NSD2: variants seen among roughly 807,000 people sequenced by gnomAD.
NSD2 encodes histone-lysine N-methyltransferase NSD2.
Under a neutral mutation model 139.0 loss-of-function variants are expected in NSD2, and 12 were observed. That is an observed-to-expected ratio of 0.09 (90% CI 0.06 to 0.14). NSD2 has a LOEUF of 0.14. Among genes scored for constraint, NSD2 ranks in the 10% least tolerant of loss-of-function variants. The pLI is 1.00. For missense variants in NSD2, 1,155 were observed against 1,745.0 expected, an observed-to-expected ratio of 0.66 and a Z score of 6.02; for synonymous variants, 669 against 648.7, an observed-to-expected ratio of 1.03 and a Z score of -0.48.
At chr4:1,962,773 C>G (rs1725499139) in intron 18 of NSD2, among the ~76,000 whole-genome samples, 1 of 152,178 alleles carries the variant, frequency 6.6e-6, no homozygotes, top group African/African-American at 2.4e-5. Context: ...TGGGCCTAAG[C>G]AATCCTCTCA....
At chr4:1,932,240 C>T (rs1217423369) in intron 6 of NSD2, among the ~76,000 whole-genome samples, 3 of 151,880 alleles carry the variant, frequency 2.0e-5, no homozygotes, top group Non-Finnish European at 4.4e-5. Context: ...AATTCAAGAC[C>T]AGCCTGGCCA....
intron 9 of NSD2, chr4:1,940,690 TGAG>T (rs1457698146): frequency 1.9e-6 from 2 of 1,061,294 alleles, no homozygotes; most frequent in African/African-American, 1.6e-5. Flanking sequence ...AACAGGGTAG[TGAG>T]GCAAGGGTTG....
intron 1 of NSD2, among the ~76,000 whole-genome samples, chr4:1,877,814 C>G (rs555848297): frequency 4.3e-4 from 65 of 152,254 alleles, no homozygotes; most frequent in African/African-American, 1.5e-3. Flanking sequence ...CCTCACCCTC[C>G]TTCAGGTCTT....
chr4:1,969,544 A>G (rs889741640), intron 18 of NSD2, among the ~76,000 whole-genome samples: 5 of 135,552 alleles, frequency 3.7e-5, no homozygotes, highest in South Asian at 2.1e-4. Context: ...TCTCTACTAA[A>G]AAAAAAAAAA....
chr4:1,913,688 T>C (rs2108789305), intron 3 of NSD2, among the ~76,000 whole-genome samples: 1 of 152,278 alleles, frequency 6.6e-6, no homozygotes, highest in Admixed American at 6.5e-5. Context: ...TCATTGGAGA[T>C]GACTCACACT....
At position 1,960,354 on chromosome 4, in the gene NSD2, C is replaced by T. The variant is rs536209813; in HGVS notation, c.3255+614C>T. Among the ~76,000 whole-genome samples the T allele has an allele frequency of 5.6e-4, 85 of 152,288 alleles. 2 individuals are homozygous for T. The South Asian group carries it at 0.016, about 29-fold the overall frequency. Reference sequence around the variant, plus strand: ...TAGCCAGGTGCTTGGGAGCACTCACCAGCAGGCGTAAGGAGATTGCTCTTG... The same window carrying T: ...TAGCCAGGTGCTTGGGAGCACTCACTAGCAGGCGTAAGGAGATTGCTCTTG... On this transcript the variant is annotated intron_variant, in intron 17 of 21. Transcript: ENST00000508803.
At chr4:1,877,708 C>A (rs745552415) in intron 1 of NSD2, among the ~76,000 whole-genome samples, 1 of 152,186 alleles carries the variant, frequency 6.6e-6, no homozygotes, top group Non-Finnish European at 1.5e-5. Context: ...GGGCCTCTTG[C>A]CTGCTCTGAA....
At chr4:1,898,872 C>T (rs867040214) in intron 1 of NSD2, among the ~76,000 whole-genome samples, 1 of 152,036 alleles carries the variant, frequency 6.6e-6, no homozygotes, top group African/African-American at 2.4e-5. Context: ...TTCAAACTCT[C>T]CTCAGTCACA....
intron 19 of NSD2, 95 bp from the exon 20 acceptor site, chr4:1,975,199 A>ATT: frequency 7.0e-7 from 1 of 1,427,336 alleles, no homozygotes; most frequent in South Asian, 1.2e-5. Context: ...ATACAAAAAT[A>ATT]ATAAGAGTAT....
intron 18 of NSD2, among the ~76,000 whole-genome samples, chr4:1,965,037 T>C (rs1464484751): frequency 8.1e-6 from 1 of 123,360 alleles, no homozygotes; most frequent in African/African-American, 3.0e-5. Context: ...AGACTTAACA[T>C]GTCCAGTGTT....
intron 3 of NSD2, among the ~76,000 whole-genome samples, chr4:1,904,749 G>A (rs1416905523): frequency 6.6e-6 from 1 of 152,188 alleles, no homozygotes; most frequent in Non-Finnish European, 1.5e-5. Context: ...CCTATGGGAA[G>A]AATGGAAAAC....
At chr4:1,945,094 G>C in intron 9 of NSD2, 1 of 1,066,606 alleles carries the variant, frequency 9.4e-7, no homozygotes, top group Non-Finnish European at 1.1e-6. Context: ...AGTGGGTGGA[G>C]TGGTGCTTAG....
Position 1,974,213 on chromosome 4 carries a change from G to GT in NSD2, c.3373-649dup. 6.6e-6 allele frequency among the ~76,000 whole-genome samples: 1 copy of GT among 151,250 alleles called. No homozygotes were observed. Among genetic ancestry groups the GT allele is most frequent in the East Asian group, 1.9e-4 (1 of 5,164 alleles). The stretch of plus-strand genomic sequence containing the variant: ...CCTTTGCTGGTTTTCGGTTGGGTGA[G>GT]TCTTTTTTTTTTTTGAGACGGAGTT... On this transcript the variant is annotated intron_variant, in intron 18 of 21. Coordinates refer to ENST00000508803, the MANE Select transcript of NSD2 (RefSeq NM_001042424.3). The surrounding 1 kb of genome is among the most constrained non-coding windows in gnomAD (Gnocchi z 4.0).
intron 3 of NSD2, among the ~76,000 whole-genome samples, chr4:1,909,210 C>T (rs912717370): frequency 6.6e-5 from 10 of 152,060 alleles, no homozygotes; most frequent in South Asian, 2.1e-4. Flanking sequence ...CACCTCTTTA[C>T]GTTCTGGTAC....
At chr4:1,978,561 A>G in intron 21 of NSD2, 77 bp from the exon 22 acceptor site, 1 of 1,534,086 alleles carries the variant, frequency 6.5e-7, no homozygotes, top group Non-Finnish European at 8.8e-7. Flanking sequence ...GACAGTTGTA[A>G]GTCATCTTCA....
intron 3 of NSD2, among the ~76,000 whole-genome samples, chr4:1,907,170 T>C (rs1718033948): frequency 6.6e-6 from 1 of 152,170 alleles, no homozygotes; most frequent in Non-Finnish European, 1.5e-5. Context: ...AGGAAGATGA[T>C]ACCATCACCT....
At chr4:1,970,002 G>A (rs1166310889) in intron 18 of NSD2, among the ~76,000 whole-genome samples, 2 of 152,198 alleles carry the variant, frequency 1.3e-5, no homozygotes, top group Non-Finnish European at 2.9e-5. Flanking sequence ...GATGTGGGGA[G>A]TGAGCAGAGT....
chr4:1,900,074 C>G (rs1461985832), intron 1 of NSD2, among the ~76,000 whole-genome samples: 7 of 152,180 alleles, frequency 4.6e-5, no homozygotes, highest in Admixed American at 4.6e-4. Context: ...GTTGGAATAT[C>G]TGGTTTTAGA....
chr4:1,877,737 C>T (rs1714366172), intron 1 of NSD2, among the ~76,000 whole-genome samples: 1 of 152,180 alleles, frequency 6.6e-6, no homozygotes, highest in Non-Finnish European at 1.5e-5. Context: ...GCTCTGCTGC[C>T]TCCGACTAGT....
Sources: gnomAD v4.1 joint callset for allele counts (sites outside exome capture counted in the v4.1 genomes callset) on GRCh38, gnomAD v4.1.1 for gene constraint, Gnocchi (gnomAD v3.1) non-coding constraint, MANE v1.5 for transcripts, NCBI Gene and HGNC (gene_info 2026-07-23, HGNC 2026-07-21) for gene names.